SPTA1: variants seen among roughly 807,000 people sequenced by gnomAD.
SPTA1 encodes the protein spectrin alpha, erythrocytic 1, also known as spectrin alpha chain, erythrocytic 1.
In SPTA1, 177 loss-of-function variants were observed where a neutral mutation model predicts 324.7. The ratio of observed to expected loss-of-function variants is 0.55; its 90% CI spans 0.48 to 0.62. SPTA1 has a LOEUF of 0.62. Ranked by LOEUF, SPTA1 falls within the 20% of genes least tolerant of loss-of-function variation. The pLI, the probability that SPTA1 is intolerant of heterozygous loss-of-function variation, is 0.00. For synonymous variants in SPTA1, 1,195 were observed against 1,041.3 expected (o/e 1.15, Z -2.84); for missense variants, 3,162 against 2,883.6 (o/e 1.10, Z -2.21).
rs3039789 is a variant in SPTA1, at chr1:158,668,075, GA to G, written c.1834-14del. The G allele has an allele frequency of 0.23, 327,596 of 1,426,724 alleles. 7,581 individuals carry two copies. Among genetic ancestry groups the G allele is most frequent in the African/African-American group, 0.43 (28,735 of 67,318 alleles). The allele number at this position is 1,426,724 out of a possible 1,614,324, so 88.4% of individuals were successfully genotyped here. ...AGTTCTGTATGTCCTGAGATAAGAT[GA>G]AAAAAAAAAAAAAAACCATTACCTG... On this transcript the variant is annotated splice_polypyrimidine_tract_variant and intron_variant, in intron 14 of 51. Transcript: ENST00000643759.
intron 25 of SPTA1, among the ~76,000 whole-genome samples, chr1:158,649,319 G>A (rs576417251): frequency 6.6e-6 from 1 of 152,304 alleles, no homozygotes; most frequent in Admixed American, 6.5e-5. Context: ...TCACTCTGTT[G>A]CAATAGGCTG....
At chr1:158,624,848 T>G (rs1247756675) in intron 42 of SPTA1, among the ~76,000 whole-genome samples, 1 of 152,224 alleles carries the variant, frequency 6.6e-6, no homozygotes, top group Non-Finnish European at 1.5e-5. Context: ...AATGCTGACT[T>G]CAGGACCCAT....
rs148417795 is a variant in SPTA1, at chr1:158,673,934, A to G, written c.1350+395T>C. On this transcript the variant is annotated intron_variant, in intron 10 of 51. Transcript: ENST00000643759. ...GTATAAAATATTTTTTAAAAATTCC[A>G]TCTGTACTGAGCATGTACAGACTTT... 4.8e-3 allele frequency among the ~76,000 whole-genome samples: 725 copies of G among 152,302 alleles called. 7 individuals are homozygous for G. The highest frequency in any genetic ancestry group is 0.017 in the African/African-American group (688 of 41,562).
Position 158,611,133 on chromosome 1 carries a change from AC to A in SPTA1, c.*130del. The A allele has an allele frequency of 1.0e-5, 2 of 199,650 alleles. No homozygotes were observed. Among genetic ancestry groups the A allele is most frequent in the Admixed American group, 3.5e-4 (2 of 5,794 alleles). The allele number at this position is 199,650 out of a possible 1,614,324, so 12.4% of individuals were successfully genotyped here. A position where few individuals can be genotyped will look rare whatever the true frequency, so the allele number is the denominator to read the frequency against. ...ATGTAATATGCACACAAACACAAGCACACACACACACACACACACACACACA... is the reference window on the plus strand; with the variant it reads ...ATGTAATATGCACACAAACACAAGCAACACACACACACACACACACACACA... On this transcript the variant is annotated 3_prime_UTR_variant, in exon 52 of 52. Transcript: ENST00000643759.
rs199801539 is a variant in SPTA1 at position 158,680,739 on chromosome 1, C to T, written c.532-10G>A. 6.2e-7 allele frequency: 1 copy of T among 1,613,502 alleles called. No homozygotes were observed. Among genetic ancestry groups the T allele is most frequent in the South Asian group, 1.1e-5 (1 of 91,078 alleles). ...ATGTCGCTATAGCCTCCTGTAGACACAGAAGTTGATTGAGTTGCCAGCAAA... is the reference window on the plus strand; with the variant it reads ...ATGTCGCTATAGCCTCCTGTAGACATAGAAGTTGATTGAGTTGCCAGCAAA... On this transcript the variant is annotated splice_polypyrimidine_tract_variant and intron_variant, in intron 4 of 51. Transcript: ENST00000643759.
chr1:158,638,170 A>T lies in SPTA1; in HGVS notation c.5052T>A (p.Ile1684=). The change falls in exon 36 of 52, where the codon ATT becomes ATA. Residue 1684 remains isoleucine (I), a synonymous_variant. Transcript: ENST00000643759. ...TGTTGACATTATCTTTTTTCTTCAC[A>T]ATCTGATCAACGTTGAAAGTCCCGC... ...LSSGTFNVDQ[I]VKKKDNVNKR... 1 of 1,613,920 alleles carries T rather than the reference A, an allele frequency of 6.2e-7. No individual in the cohort carries two copies. The highest frequency in any genetic ancestry group is 8.5e-7 in the Non-Finnish European group (1 of 1,179,952).
At chr1:158,669,609 G>A in intron 13 of SPTA1, 46 bp from the exon 14 acceptor site, 1 of 1,614,032 alleles carries the variant, frequency 6.2e-7, no homozygotes, top group Non-Finnish European at 8.5e-7. Flanking sequence ...ACCAAATATG[G>A]ACATGTGAGA....
chr1:158,669,627 A>T (rs1280910660), intron 13 of SPTA1, 64 bp from the exon 14 acceptor site: 1 of 1,613,846 alleles, frequency 6.2e-7, no homozygotes, highest in Non-Finnish European at 8.5e-7. Flanking sequence ...AGATTCGCTG[A>T]CCACCCTGGT....
At chr1:158,656,081 C>A (rs1356513188) in intron 20 of SPTA1, among the ~76,000 whole-genome samples, 1 of 152,160 alleles carries the variant, frequency 6.6e-6, no homozygotes, top group Non-Finnish European at 1.5e-5. Flanking sequence ...CTTTGAGACT[C>A]TTTGTCCTGT....
intron 21 of SPTA1, among the ~76,000 whole-genome samples, chr1:158,654,021 C>T (rs1652651345): frequency 6.6e-6 from 1 of 152,198 alleles, no homozygotes; most frequent in African/African-American, 2.4e-5. Context: ...CAAACATTTA[C>T]TTGTCTTTGG....
intron 33 of SPTA1, among the ~76,000 whole-genome samples, chr1:158,642,188 T>A (rs973595298): frequency 3.9e-5 from 6 of 151,934 alleles, no homozygotes; most frequent in Non-Finnish European, 5.9e-5. Flanking sequence ...AGGGATAGCA[T>A]TAGGAGATAT....
At chr1:158,668,885 T>C (rs78211927) in intron 14 of SPTA1, among the ~76,000 whole-genome samples, 4,517 of 152,296 alleles carry the variant, frequency 0.03, 101 homozygotes, top group Non-Finnish European at 0.046. Context: ...TGCATAACTT[T>C]GGGCAACTCA....
At position 158,674,309 on chromosome 1, in the gene SPTA1, A is replaced by T; in HGVS notation, c.1350+20T>A. 5 of 1,609,152 alleles carry T rather than the reference A, an allele frequency of 3.1e-6. No homozygotes were observed. The highest frequency in any genetic ancestry group is 4.3e-6 in the Non-Finnish European group (5 of 1,175,672). On this transcript the variant is annotated intron_variant, in intron 10 of 51. Coordinates refer to ENST00000643759, the MANE Select transcript of SPTA1 (RefSeq NM_003126.4). ...TACATATATAATTGGAATTTGACAA[A>T]CTCTGTTAAACTAGATTACCTTTTC... is the stretch of plus-strand genomic sequence containing the variant.
At position 158,656,603 on chromosome 1, in the gene SPTA1, G is replaced by A. The variant is rs780325407; in HGVS notation, c.2859C>T (p.Asp953=). Residue 953 remains aspartate (D), a synonymous_variant, in exon 20 of 52, where the codon GAC becomes GAT. Transcript: ENST00000643759. ...CCTGATTCCGCAGAGCTTTCATACT[G>A]TCTCCAAATGAATTGAGATCTAATA... ...AFLLDLNSFG[D]SMKALRNQAN... is the part of the protein sequence containing the mutation. 1 of 1,613,908 alleles carries A rather than the reference G, an allele frequency of 6.2e-7. No homozygotes were observed. The highest frequency in any genetic ancestry group is 1.7e-5 in the Admixed American group (1 of 60,026).
intron 41 of SPTA1, 61 bp downstream of exon 41, chr1:158,626,778 C>T (rs1456827224): frequency 6.2e-7 from 1 of 1,605,692 alleles, no homozygotes; most frequent in Non-Finnish European, 8.5e-7. Context: ...CCATTCTACA[C>T]ATGGATGGGA....
Position 158,652,615 on chromosome 1 carries a change from C to T in SPTA1, c.3227G>A (p.Arg1076His), listed in dbSNP as rs931070390. 3.7e-6 allele frequency: 6 copies of T among 1,614,086 alleles called. No individual in the cohort carries two copies. Among genetic ancestry groups the T allele is most frequent in the Non-Finnish European group, 5.1e-6 (6 of 1,180,024 alleles). ...TTCATTATAACGTTGCAATAGACGACGTCTGCGTTCTTCTGCCCGATCCAA... is the reference window on the plus strand; with the variant it reads ...TTCATTATAACGTTGCAATAGACGATGTCTGCGTTCTTCTGCCCGATCCAA... Reference protein sequence around the residue: ...SLLDRAEERRRRLLQRYNEFL... With the variant: ...SLLDRAEERRHRLLQRYNEFL... Residue 1076 changes from arginine to histidine, a missense_variant, in exon 23 of 52, where the codon CGT becomes CAT. Arg to His is a conservative substitution (Grantham distance 29). Transcript: ENST00000643759.
chr1:158,636,681 C>T lies in SPTA1; in HGVS notation c.5270G>A (p.Arg1757His), dbSNP rs779823270. Residue 1757 changes from arginine to histidine, a missense_variant, in exon 37 of 52, where the codon CGC becomes CAC. Arg to His is a conservative substitution (Grantham distance 29). Coordinates refer to ENST00000643759, the MANE Select transcript of SPTA1 (RefSeq NM_003126.4). ...GVQNLLKKHK[R>H]LEGELVAHEP... ...ATGGGCCACCAGCTCCCCCTCTAGG[C>T]GTTTGTGCTTCTTCAGCAAGTTCTG... The T allele has an allele frequency of 2.7e-5, 43 of 1,614,136 alleles. No individual in the cohort carries two copies. The highest frequency in any genetic ancestry group is 1.1e-4 in the East Asian group (5 of 44,882).
At chr1:158,637,742 T>G (rs1442255658) in intron 36 of SPTA1, among the ~76,000 whole-genome samples, 1 of 152,214 alleles carries the variant, frequency 6.6e-6, no homozygotes, top group African/African-American at 2.4e-5. Flanking sequence ...CTGTGAGTAT[T>G]GCATATTATT....
intron 45 of SPTA1, 91 bp downstream of exon 45, chr1:158,619,131 A>T: frequency 8.3e-7 from 1 of 1,209,004 alleles, no homozygotes; most frequent in African/African-American, 1.5e-5. Context: ...ATGCTCTCAG[A>T]GTCTCTCCTC....
Sources: allele counts gnomAD v4.1 joint callset (sites outside exome capture counted in the v4.1 genomes callset), GRCh38; gene constraint gnomAD v4.1.1; transcripts MANE v1.5; gene names NCBI Gene and HGNC (gene_info 2026-07-23, HGNC 2026-07-21).